Variants in ZNF777 observed in about 807,000 individuals in gnomAD.
ZNF777 encodes zinc finger protein 777.
In ZNF777, 7 loss-of-function variants were observed where a neutral mutation model predicts 72.1. That is an observed-to-expected ratio of 0.10 (90% confidence interval 0.06 to 0.18). ZNF777 has a LOEUF of 0.18. Among genes scored for constraint, ZNF777 ranks in the 10% least tolerant of loss-of-function variants. The pLI, the probability that ZNF777 is intolerant of heterozygous loss-of-function variation, is 1.00. For synonymous variants in ZNF777, 545 were observed against 483.5 expected (o/e 1.13, Z -1.67); for missense variants, 828 against 1,128.6 (o/e 0.73, Z 3.82).
chr7:149,433,143 G>C (rs541681929), intron 5 of ZNF777, among the ~76,000 whole-genome samples: 1 of 152,360 alleles, frequency 6.6e-6, no homozygotes, highest in Admixed American at 6.5e-5. Context: ...CTTGCTGTTT[G>C]CTTCAGGAAT....
chr7:149,449,974 C>T (rs1585699563), intron 4 of ZNF777, among the ~76,000 whole-genome samples: 1 of 152,176 alleles, frequency 6.6e-6, no homozygotes, highest in East Asian at 1.9e-4. Flanking sequence ...GTTCCTAGAA[C>T]ATCTGCTTGG....
chr7:149,437,085 T>G (rs971823616), intron 4 of ZNF777, among the ~76,000 whole-genome samples: 1 of 152,006 alleles, frequency 6.6e-6, no homozygotes, highest in African/African-American at 2.4e-5. Context: ...TAAAAAAAAA[T>G]ATTCAGCATT....
chr7:149,452,446 C>G (rs1388831112), intron 3 of ZNF777, among the ~76,000 whole-genome samples: 1 of 151,402 alleles, frequency 6.6e-6, no homozygotes, highest in Non-Finnish European at 1.5e-5. Context: ...CTGGCTGACA[C>G]GGTAAAACCC....
chr7:149,440,890 TCAA>T (rs1336768985), intron 4 of ZNF777, among the ~76,000 whole-genome samples: 1 of 152,010 alleles, frequency 6.6e-6, no homozygotes, highest in African/African-American at 2.4e-5. Context: ...ACGAGTGCCT[TCAA>T]TACCTGGCCC....
intron 1 of ZNF777, among the ~76,000 whole-genome samples, chr7:149,457,524 G>A (rs1228254879): frequency 2.6e-5 from 4 of 152,212 alleles, no homozygotes; most frequent in East Asian, 1.9e-4. Flanking sequence ...AAACAATGAC[G>A]TTCCTTTAGT....
chr7:149,450,949 G>A, intron 4 of ZNF777, 50 bp downstream of exon 4: 3 of 1,520,774 alleles, frequency 2.0e-6, no homozygotes, highest in Non-Finnish European at 2.7e-6. Flanking sequence ...CGCTTCCTGA[G>A]TACTGAAAGA....
chr7:149,445,182 T>G (rs185337295), intron 4 of ZNF777, among the ~76,000 whole-genome samples: 1 of 152,340 alleles, frequency 6.6e-6, no homozygotes, highest in Admixed American at 6.5e-5. Context: ...AAGAGTTCCT[T>G]TCTATTCCTT....
intron 1 of ZNF777, chr7:149,459,767 A>G (rs577766573): frequency 1.0e-6 from 1 of 984,742 alleles, no homozygotes; most frequent in Non-Finnish European, 1.2e-6. Context: ...GGGCCGGGGA[A>G]GGCTCCGCGG....
intron 3 of ZNF777, among the ~76,000 whole-genome samples, chr7:149,451,628 G>C (rs1799718614): frequency 6.6e-6 from 1 of 151,896 alleles, no homozygotes; most frequent in South Asian, 2.1e-4. Flanking sequence ...GGAGGCAGAG[G>C]TTGCAGTGAG....
chr7:149,445,601 C>T (rs910148132), intron 4 of ZNF777, among the ~76,000 whole-genome samples: 2 of 152,174 alleles, frequency 1.3e-5, no homozygotes, highest in Non-Finnish European at 2.9e-5. Context: ...GGCAACATTT[C>T]GGGAGTCGAG....
At chr7:149,454,714 T>A (rs935031079) in intron 2 of ZNF777, among the ~76,000 whole-genome samples, 10 of 152,206 alleles carry the variant, frequency 6.6e-5, no homozygotes, top group Admixed American at 2.0e-4. Context: ...GAAACCTAAC[T>A]TCTCTAGCTT....
intron 4 of ZNF777, among the ~76,000 whole-genome samples, chr7:149,439,830 A>T (rs1799476900): frequency 6.6e-6 from 1 of 152,232 alleles, no homozygotes; most frequent in Non-Finnish European, 1.5e-5. Flanking sequence ...ATGATAAATA[A>T]TTATCCAAGA....
At position 149,455,772 on chromosome 7, in the gene ZNF777, G is replaced by C; in HGVS notation, c.251C>G (p.Ser84Cys). 6.2e-7 allele frequency: 1 copy of C among 1,606,000 alleles called. No individual in the cohort carries two copies. The highest frequency in any genetic ancestry group is 8.5e-7 in the Non-Finnish European group (1 of 1,175,560). ...AGAAGTCTCTTGCTCAGAAGCGGCA[G>C]AACACAGGAGTGAGGGTCCCTTCTG... ...VLQKGPSLLC[S>C]AASEQETSLQ... Residue 84 changes from serine to cysteine, a missense_variant, in exon 2 of 6, where the codon TCT becomes TGT. By Grantham distance (112) the Ser-to-Cys change is moderately radical. Transcript: ENST00000247930. This position sits in a 1 kb window ranked among gnomAD's most constrained non-coding sequence, Gnocchi z 4.2.
At chr7:149,442,576 C>A (rs185627795) in intron 4 of ZNF777, among the ~76,000 whole-genome samples, 4 of 150,680 alleles carry the variant, frequency 2.7e-5, no homozygotes, top group Non-Finnish European at 4.4e-5. Context: ...GCTGAGATAG[C>A]GCCACTGCAC....
intron 5 of ZNF777, among the ~76,000 whole-genome samples, chr7:149,433,316 G>T (rs978814504): frequency 6.6e-6 from 1 of 152,168 alleles, no homozygotes. Context: ...GGAACACCTG[G>T]ATCCAGCCAT....
rs984705855 is a variant in ZNF777 at position 149,443,873 on chromosome 7, G to A, written c.1088-7047C>T. Among the ~76,000 whole-genome samples the A allele has an allele frequency of 3.9e-5, 6 of 152,226 alleles. No homozygotes were observed. In the East Asian group the frequency reaches 5.8e-4, roughly 15 times the overall value. On this transcript the variant is annotated intron_variant, in intron 4 of 5. Coordinates refer to ENST00000247930, the MANE Select transcript of ZNF777 (RefSeq NM_015694.3). ...CTCCCAAACTGTTGGGATTAGAGGC[G>A]CGAGCCACCACACCCGGCCCAAAAC...
Position 149,432,661 on chromosome 7 carries a change from C to T in ZNF777, c.1611G>A (p.Gln537=), listed in dbSNP as rs371912299. ...SENRGASSQQ[Q]RNRRGERPFT... is the part of the protein sequence containing the mutation. ...AGGGCCGCTCGCCGCGCCGGTTCCG[C>T]TGCTGCTGGCTCGAGGCCCCGCGGT... Residue 537 remains glutamine, a synonymous_variant, in exon 6 of 6, where the codon CAG becomes CAA. Coordinates refer to ENST00000247930, the MANE Select transcript of ZNF777 (RefSeq NM_015694.3). 8.2e-5 allele frequency: 133 copies of T among 1,613,354 alleles called. No homozygotes were observed. Among genetic ancestry groups the T allele is most frequent in the African/African-American group, 2.7e-5 (2 of 74,932 alleles).
intron 1 of ZNF777, among the ~76,000 whole-genome samples, chr7:149,457,519 A>G (rs1354942873): frequency 6.6e-6 from 1 of 152,228 alleles, no homozygotes; most frequent in East Asian, 1.9e-4. Flanking sequence ...AGGATAAACA[A>G]TGACGTTCCT....
chr7:149,432,340 G>T lies in ZNF777; in HGVS notation c.1932C>A (p.Ser644Arg). Residue 644 changes from serine (S) to arginine (R), a missense_variant, in exon 6 of 6, where the codon AGC becomes AGA. Physicochemically the swap from Ser to Arg is moderately radical, Grantham distance 110. Around this residue, in one of 12 missense-constraint regions of ZNF777, gnomAD observed 100 missense variants for 106.2 expected, o/e 0.94. Coordinates refer to ENST00000247930, the MANE Select transcript of ZNF777 (RefSeq NM_015694.3). ...KPYKCPECDS[S>R]FSHKSSLTKH... ...TGGTCAGGCTGGACTTGTGGCTGAA[G>T]CTGCTGTCGCACTCGGGGCACTTGT... The T allele has an allele frequency of 6.2e-7, 1 of 1,611,018 alleles. No individual in the cohort carries two copies. Among genetic ancestry groups the T allele is most frequent in the Non-Finnish European group, 8.5e-7 (1 of 1,179,090 alleles).
Sources: gnomAD v4.1 joint callset for allele counts (sites outside exome capture counted in the v4.1 genomes callset) on GRCh38, gnomAD v4.1.1 for gene constraint, gnomAD v4.1.1 regional missense constraint, Gnocchi (gnomAD v3.1) non-coding constraint, MANE v1.5 for transcripts, NCBI Gene and HGNC (gene_info 2026-07-23, HGNC 2026-07-21) for gene names.